Variants in ALMS1 observed in about 807,000 individuals in gnomAD.
ALMS1 encodes ALMS1 centrosome and basal body associated protein.
A neutral mutation model predicts 352.2 loss-of-function variants in ALMS1; 271 were observed. That is an observed-to-expected ratio of 0.77 (90% CI 0.70 to 0.85). The LOEUF (loss-of-function observed/expected upper bound fraction) is 0.85. ALMS1 is among the 40% of genes least tolerant of loss of function. The pLI is 0.00. For synonymous variants in ALMS1, 1,865 were observed against 1,761.2 expected (o/e 1.06, Z -1.48); for missense variants, 5,445 against 4,870.7 (o/e 1.12, Z -3.51).
intron 12 of ALMS1, among the ~76,000 whole-genome samples, chr2:73,542,809 G>T (rs1410209646): frequency 2.6e-5 from 4 of 151,914 alleles, no homozygotes; most frequent in Non-Finnish European, 5.9e-5. Flanking sequence ...ACTTACAAGG[G>T]ATGTGAAGGA....
chr2:73,566,242 A>T (rs191556840), intron 15 of ALMS1, among the ~76,000 whole-genome samples: 1 of 152,358 alleles, frequency 6.6e-6, no homozygotes, highest in East Asian at 1.9e-4. Flanking sequence ...TTCTTAAAGA[A>T]AACACTTTAC....
chr2:73,483,750 G>C (rs1372888926), intron 9 of ALMS1, among the ~76,000 whole-genome samples: 4 of 148,234 alleles, frequency 2.7e-5, no homozygotes, highest in Non-Finnish European at 6.0e-5. Flanking sequence ...TATGAATCTG[G>C]GTGCTCCTGT....
At chr2:73,497,285 CT>C (rs1021958559) in intron 10 of ALMS1, among the ~76,000 whole-genome samples, 1 of 151,548 alleles carries the variant, frequency 6.6e-6, no homozygotes, top group Non-Finnish European at 1.5e-5. Flanking sequence ...TGGGTTTCTT[CT>C]TTTTTTTAAT....
rs963968139 is a variant in ALMS1 at position 73,538,590 on chromosome 2, G to A, written c.9907+3641G>A. Among the ~76,000 whole-genome samples the A allele has an allele frequency of 1.1e-4, 17 of 152,286 alleles. No homozygotes were observed. In the South Asian group the frequency reaches 1.9e-3, roughly 17 times the overall value. ...GTGAGCCGAAGCAGGGCAAGGCATCGCCTCACCCGGGAAGCGCAAGGGGTC... is the reference window on the plus strand; with the variant it reads ...GTGAGCCGAAGCAGGGCAAGGCATCACCTCACCCGGGAAGCGCAAGGGGTC... On this transcript the variant is annotated intron_variant, in intron 12 of 22. Coordinates refer to ENST00000613296, the MANE Select transcript of ALMS1 (RefSeq NM_001378454.1).
At chr2:73,417,224 C>T (rs77551689) in intron 2 of ALMS1, among the ~76,000 whole-genome samples, 2,482 of 151,826 alleles carry the variant, frequency 0.016, 69 homozygotes, top group African/African-American at 0.057. Flanking sequence ...AATAGAGTTG[C>T]GAAAAAAATC....
chr2:73,519,868 G>A lies in ALMS1; in HGVS notation c.9633G>A (p.Lys3211=), dbSNP rs373013570. ...AGATAACAACAGAAAGTCCAGAAAAGACCCTATTTTCATCTGAGATTTTTA... is the reference window on the plus strand; with the variant it reads ...AGATAACAACAGAAAGTCCAGAAAAAACCCTATTTTCATCTGAGATTTTTA... ...VTQITTESPE[K]TLFSSEIFIN... Residue 3211 remains lysine (K), a synonymous_variant, in exon 11 of 23, where the codon AAG becomes AAA. Transcript: ENST00000613296. 1.2e-4 allele frequency: 187 copies of A among 1,614,046 alleles called. No homozygotes were observed. Among genetic ancestry groups the A allele is most frequent in the Admixed American group, 9.2e-4 (55 of 60,018 alleles).
intron 12 of ALMS1, among the ~76,000 whole-genome samples, chr2:73,550,016 C>G (rs1357293176): frequency 6.6e-6 from 1 of 152,078 alleles, no homozygotes; most frequent in African/African-American, 2.4e-5. Context: ...CCTGCCACCA[C>G]GCCTGGCTAA....
intron 11 of ALMS1, among the ~76,000 whole-genome samples, chr2:73,525,917 A>AT (rs1220298553): frequency 6.6e-6 from 1 of 152,142 alleles, no homozygotes; most frequent in African/African-American, 2.4e-5. Context: ...GAGGTCTTAG[A>AT]TTTAAGTCTT....
chr2:73,558,707 A>C (rs1282466280), intron 14 of ALMS1, among the ~76,000 whole-genome samples: 1 of 152,058 alleles, frequency 6.6e-6, no homozygotes, highest in African/African-American at 2.4e-5. Context: ...TCAGTTGTCT[A>C]GAGTTCTATG....
In ALMS1 at chr2:73,451,278, C is replaced by G. The variant is rs1671932095; in HGVS notation, c.4751C>G (p.Ala1584Gly). 2 of 1,613,826 alleles carry G rather than the reference C, an allele frequency of 1.2e-6. No homozygotes were observed. Among genetic ancestry groups the G allele is most frequent in the Non-Finnish European group, 1.7e-6 (2 of 1,179,926 alleles). ...GEKPIVNYKQAFPDGHLPEEA... is the reference protein window; with the variant it reads ...GEKPIVNYKQGFPDGHLPEEA... ...AAGCCGATTGTTAACTACAAACAGG[C>G]CTTTCCAGATGGTCATCTACCTGAA... The change falls in exon 8 of 23, where the codon GCC (alanine) becomes GGC (glycine). Residue 1584 changes from alanine to glycine, a missense_variant. Transcript: ENST00000613296.
At chr2:73,434,795 T>G (rs183474456) in intron 7 of ALMS1, among the ~76,000 whole-genome samples, 28 of 152,328 alleles carry the variant, frequency 1.8e-4, no homozygotes, top group Non-Finnish European at 2.9e-4. Flanking sequence ...AATTGTTATA[T>G]ATTCCTGATG....
At chr2:73,392,294 G>A (rs61582384) in intron 1 of ALMS1, among the ~76,000 whole-genome samples, 1 of 133,628 alleles carries the variant, frequency 7.5e-6, no homozygotes, top group Non-Finnish European at 1.7e-5. Flanking sequence ...GTGTGTGTGT[G>A]TGTATTTCCT....
intron 12 of ALMS1, among the ~76,000 whole-genome samples, chr2:73,545,592 T>C (rs1674296839): frequency 6.6e-6 from 1 of 152,224 alleles, no homozygotes; most frequent in Non-Finnish European, 1.5e-5. Flanking sequence ...GGGTTGAGTA[T>C]ACGAAATTAG....
At chr2:73,558,353 A>C (rs1473410306) in intron 14 of ALMS1, among the ~76,000 whole-genome samples, 1 of 152,216 alleles carries the variant, frequency 6.6e-6, no homozygotes, top group African/African-American at 2.4e-5. Context: ...ATTCTGGGCA[A>C]CACTTCTGAA....
At chr2:73,502,063 C>G (rs1297002621) in intron 10 of ALMS1, among the ~76,000 whole-genome samples, 1 of 152,000 alleles carries the variant, frequency 6.6e-6, no homozygotes, top group Non-Finnish European at 1.5e-5. Context: ...TTGTTCATTG[C>G]TTATATATAG....
chr2:73,554,781 A>C (rs754267585), intron 13 of ALMS1, among the ~76,000 whole-genome samples: 1 of 152,138 alleles, frequency 6.6e-6, no homozygotes. Flanking sequence ...TTTATTTCCT[A>C]ACCTGGGTAA....
intron 7 of ALMS1, among the ~76,000 whole-genome samples, chr2:73,437,962 C>T (rs928473290): frequency 3.3e-5 from 5 of 152,120 alleles, no homozygotes; most frequent in East Asian, 1.9e-4. Flanking sequence ...AAAAAAATCA[C>T]GCTCTTTTCT....
intron 12 of ALMS1, among the ~76,000 whole-genome samples, chr2:73,544,307 A>G (rs1674262735): frequency 1.3e-5 from 2 of 152,104 alleles, no homozygotes; most frequent in Non-Finnish European, 2.9e-5. Context: ...ATAGGTGGGA[A>G]TTGAACAATG....
At chr2:73,598,438 C>T (rs1217032909) in intron 16 of ALMS1, among the ~76,000 whole-genome samples, 1 of 152,196 alleles carries the variant, frequency 6.6e-6, no homozygotes, top group Non-Finnish European at 1.5e-5. Context: ...GTTTGCAATG[C>T]CTACCTTTCC....
Sources: gnomAD v4.1 joint callset for allele counts (sites outside exome capture counted in the v4.1 genomes callset) on GRCh38, gnomAD v4.1.1 for gene constraint, MANE v1.5 for transcripts, NCBI Gene and HGNC (gene_info 2026-07-23, HGNC 2026-07-21) for gene names.